The following NRXN2 variants were observed in gnomAD, a reference collection of about 807,000 sequenced individuals.
NRXN2 encodes the protein neurexin-2-beta.
NRXN2 carries 29 observed loss-of-function variants against 128.8 expected under a neutral mutation model. That is an observed-to-expected ratio of 0.23 (90% CI 0.17 to 0.31). The LOEUF (loss-of-function observed/expected upper bound fraction) is 0.31, where lower values mean the gene tolerates loss of function less well. Ranked by LOEUF, NRXN2 falls within the 10% of genes least tolerant of loss-of-function variation. The pLI is 1.00. For missense variants in NRXN2, 1,881 were observed against 2,452.6 expected, an observed-to-expected ratio of 0.77 and a Z score of 4.92; for synonymous variants, 1,098 against 1,075.2, an observed-to-expected ratio of 1.02 and a Z score of -0.41.
chr11:64,668,485 C>A lies in NRXN2; in HGVS notation c.1317G>T (p.Pro439=). 1 of 1,614,050 alleles carries A rather than the reference C, an allele frequency of 6.2e-7. No individual in the cohort carries two copies. Among genetic ancestry groups the A allele is most frequent in the Non-Finnish European group, 8.5e-7 (1 of 1,180,020 alleles). Residue 439 remains proline, a synonymous_variant, in exon 8 of 23, where the codon CCG becomes CCT. Transcript: ENST00000265459. ...TGAAGTTGTTGCTGACGGGCGAGCCCGGCAGGTCAGCTGTGTTGGGGCTGC... is the reference window on the plus strand; with the variant it reads ...TGAAGTTGTTGCTGACGGGCGAGCCAGGCAGGTCAGCTGTGTTGGGGCTGC... ...IGGSPNTADL[P]GSPVSNNFMG... is the part of the protein sequence containing the mutation.
intron 22 of NRXN2, among the ~76,000 whole-genome samples, chr11:64,612,086 T>G (rs1467164470): frequency 1.3e-5 from 2 of 152,176 alleles, no homozygotes; most frequent in African/African-American, 4.8e-5. Flanking sequence ...CAACCCGGCC[T>G]AGGCTCTGGG....
chr11:64,708,900 G>A (rs2056608364), intron 2 of NRXN2, among the ~76,000 whole-genome samples: 1 of 152,024 alleles, frequency 6.6e-6, no homozygotes, highest in Admixed American at 6.6e-5. Context: ...TTTTAAAAAT[G>A]TCCTCAGTTG....
At chr11:64,673,475 T>G (rs1214682759) in intron 7 of NRXN2, among the ~76,000 whole-genome samples, 1 of 152,202 alleles carries the variant, frequency 6.6e-6, no homozygotes, top group Non-Finnish European at 1.5e-5. Context: ...TTGAACCCTG[T>G]TACAAGGCCT....
intron 21 of NRXN2, among the ~76,000 whole-genome samples, chr11:64,620,600 C>T (rs988980351): frequency 6.6e-6 from 1 of 151,480 alleles, no homozygotes; most frequent in African/African-American, 2.4e-5. Context: ...TCATGGCTTC[C>T]GAAGGTCAGT....
chr11:64,694,756 G>A (rs960632913), intron 3 of NRXN2, among the ~76,000 whole-genome samples: 1 of 152,076 alleles, frequency 6.6e-6, no homozygotes. Context: ...CCTAAACCCA[G>A]GACCCAGACC....
chr11:64,715,106 G>T (rs531083199), intron 1 of NRXN2, among the ~76,000 whole-genome samples: 91 of 152,286 alleles, frequency 6.0e-4, no homozygotes, highest in African/African-American at 2.1e-3. Flanking sequence ...AAGAGTAATG[G>T]AGGAGAAAGG....
intron 3 of NRXN2, among the ~76,000 whole-genome samples, chr11:64,697,552 G>A (rs1006267122): frequency 2.6e-5 from 4 of 152,098 alleles, no homozygotes; most frequent in Admixed American, 1.3e-4. Context: ...GCGTGGAGAG[G>A]GAAAGGAAGA....
At chr11:64,628,079 G>A (rs1046371493) in intron 19 of NRXN2, among the ~76,000 whole-genome samples, 3 of 152,184 alleles carry the variant, frequency 2.0e-5, no homozygotes, top group Non-Finnish European at 2.9e-5. Flanking sequence ...TCTCCAAGAG[G>A]AAGAGAAAAA....
chr11:64,608,835 C>T (rs3802947), intron 22 of NRXN2, among the ~76,000 whole-genome samples: 16,995 of 152,004 alleles, frequency 0.11, 1,458 homozygotes, highest in East Asian at 0.29. Context: ...GGGTGGTTTC[C>T]ACCACTTGGT....
chr11:64,659,145 G>C (rs2048678455), intron 11 of NRXN2, among the ~76,000 whole-genome samples: 1 of 152,244 alleles, frequency 6.6e-6, no homozygotes, highest in South Asian at 2.1e-4. Flanking sequence ...TGACCTGCAA[G>C]CTTCCTATAC....
Position 64,713,571 on chromosome 11 carries a change from G to A in NRXN2, c.129C>T (p.Arg43=), listed in dbSNP as rs774391421. 3 of 1,393,528 alleles carry A rather than the reference G, an allele frequency of 2.2e-6. No homozygotes were observed. Among genetic ancestry groups the A allele is most frequent in the South Asian group, 1.5e-5 (1 of 66,356 alleles). The allele number at this position is 1,393,528 out of a possible 1,614,324, so 86.3% of individuals were successfully genotyped here. Reference sequence around the variant, plus strand: ...CGCCGCTGCTCGCCGCGCCCGCCCAGCGCGCGTAGCGAGCCCACTGCCCGG... The same window carrying A: ...CGCCGCTGCTCGCCGCGCCCGCCCAACGCGCGTAGCGAGCCCACTGCCCGG... ...GGPGQWARYA[R]WAGAASSGEL... The change falls in exon 2 of 23, where the codon CGC becomes CGT. Residue 43 remains arginine (R), a synonymous_variant. Coordinates refer to ENST00000265459, the MANE Select transcript of NRXN2 (RefSeq NM_015080.4).
chr11:64,687,392 C>T (rs1244468317), intron 5 of NRXN2, among the ~76,000 whole-genome samples: 1 of 152,220 alleles, frequency 6.6e-6, no homozygotes, highest in African/African-American at 2.4e-5. Context: ...TCTAGGCAGG[C>T]TGCCCACAGC....
chr11:64,668,356 C>A (rs1295857514), intron 8 of NRXN2, 87 bp downstream of exon 8: 12 of 1,548,226 alleles, frequency 7.8e-6, no homozygotes, highest in Non-Finnish European at 9.7e-6. Flanking sequence ...ATGACCCAGA[C>A]AACTAGCCAG....
intron 15 of NRXN2, among the ~76,000 whole-genome samples, chr11:64,649,753 T>C (rs554111450): frequency 6.6e-6 from 1 of 152,292 alleles, no homozygotes; most frequent in East Asian, 1.9e-4. Context: ...CCTATGGGGC[T>C]GAGGGCTGCT....
chr11:64,679,673 G>A (rs1241079577), intron 6 of NRXN2, among the ~76,000 whole-genome samples: 1 of 152,142 alleles, frequency 6.6e-6, no homozygotes, highest in Non-Finnish European at 1.5e-5. Context: ...AGAAACAGAT[G>A]TGAGTTCTAA....
intron 22 of NRXN2, among the ~76,000 whole-genome samples, chr11:64,618,941 T>C (rs1261485628): frequency 1.3e-5 from 2 of 152,178 alleles, no homozygotes; most frequent in Admixed American, 6.5e-5. Flanking sequence ...GAAACCCCTC[T>C]GCCCTTGGTT....
intron 22 of NRXN2, 142 bp from the exon 23 acceptor site, chr11:64,608,224 C>T (rs1426754340): frequency 3.8e-5 from 26 of 692,256 alleles, no homozygotes; most frequent in Non-Finnish European, 5.7e-5. Flanking sequence ...GGGCTGGGCC[C>T]GCCCGCCAGC....
At chr11:64,682,924 A>G (rs2052510211) in intron 6 of NRXN2, among the ~76,000 whole-genome samples, 1 of 152,156 alleles carries the variant, frequency 6.6e-6, no homozygotes. Flanking sequence ...CTATGTTCTG[A>G]GAGCCTCTAG....
At position 64,651,420 on chromosome 11, in the gene NRXN2, T is replaced by A; in HGVS notation, c.2753A>T (p.Asp918Val). The A allele has an allele frequency of 6.2e-7, 1 of 1,614,130 alleles. No homozygotes were observed. The highest frequency in any genetic ancestry group is 8.5e-7 in the Non-Finnish European group (1 of 1,180,012). Residue 918 changes from aspartate (D) to valine (V), a missense_variant, in exon 14 of 23, where the codon GAT becomes GTT. Asp to Val is a radical substitution (Grantham distance 152, BLOSUM62 -3). This residue lies in a region of NRXN2 where 390 missense variants were observed against 599.6 expected (regional missense o/e 0.65). Transcript: ENST00000265459. The surrounding 1 kb of genome is among the most constrained non-coding windows in gnomAD (Gnocchi z 5.9). ...GCTGCGACTCTTGAAGGTGACGGGATCGGCCACGATGGCACGCAGGCCAAA... is the reference window on the plus strand; with the variant it reads ...GCTGCGACTCTTGAAGGTGACGGGAACGGCCACGATGGCACGCAGGCCAAA... ...ARFGLRAIVA[D>V]PVTFKSRSSY...
Sources: allele counts gnomAD v4.1 joint callset (sites outside exome capture counted in the v4.1 genomes callset), GRCh38; gene constraint gnomAD v4.1.1; regional missense constraint gnomAD v4.1.1; non-coding constraint Gnocchi (gnomAD v3.1); transcripts MANE v1.5; gene names NCBI Gene and HGNC (gene_info 2026-07-23, HGNC 2026-07-21).